Variants in CLPB observed in about 807,000 individuals in gnomAD.
The protein encoded by CLPB is mitochondrial disaggregase.
In CLPB, 40 loss-of-function variants were observed where a neutral mutation model predicts 78.4. The ratio of observed to expected loss-of-function variants is 0.51; its 90% CI spans 0.40 to 0.66. The LOEUF (loss-of-function observed/expected upper bound fraction) is 0.66. CLPB is among the 30% of genes least tolerant of loss of function. The probability of loss-of-function intolerance (pLI) is 0.00; values close to 1 mark genes in which losing one functional copy is unlikely to be tolerated. For synonymous variants in CLPB, 333 were observed against 348.0 expected, an observed-to-expected ratio of 0.96 and a Z score of 0.48; for missense variants, 780 against 886.9, an observed-to-expected ratio of 0.88 and a Z score of 1.53.
At chr11:72,368,461 C>T (rs1302350110) in intron 4 of CLPB, among the ~76,000 whole-genome samples, 1 of 152,170 alleles carries the variant, frequency 6.6e-6, no homozygotes, top group Non-Finnish European at 1.5e-5. Context: ...AACTCCAAGG[C>T]TTATAACTCT....
In CLPB at chr11:72,291,645, G is replaced by A. The variant is rs1289364259; in HGVS notation, c.*1722C>T. 3.9e-5 allele frequency: 6 copies of A among 152,164 alleles called. No homozygotes were observed. Among genetic ancestry groups the A allele is most frequent in the Admixed American group, 1.3e-4 (2 of 15,272 alleles). The allele number at this position is 152,164 out of a possible 1,614,324, so 9.4% of individuals were successfully genotyped here. A position where few individuals can be genotyped will look rare whatever the true frequency, so the allele number is the denominator to read the frequency against. On this transcript the variant is annotated 3_prime_UTR_variant, in exon 16 of 16. Transcript: ENST00000538039. ...TGATAAACTACAGTATGGCTTTGTA[G>A]GATGTAATCATTGGGAGATGCTAGA...
At chr11:72,412,604 C>T (rs1032193446) in intron 2 of CLPB, among the ~76,000 whole-genome samples, 5 of 152,206 alleles carry the variant, frequency 3.3e-5, no homozygotes, top group Non-Finnish European at 7.3e-5. Context: ...CTCTTCCAGG[C>T]TGTGTGACTG....
rs1381046919 is a variant in CLPB at position 72,285,592 on chromosome 11, A to G, written c.*7775T>C. 6.6e-6 allele frequency: 1 copy of G among 152,074 alleles called. No individual in the cohort carries two copies. Among genetic ancestry groups the G allele is most frequent in the Non-Finnish European group, 1.5e-5 (1 of 67,990 alleles). The allele number at this position is 152,074 out of a possible 1,614,324, so 9.4% of individuals were successfully genotyped here. On this transcript the variant is annotated 3_prime_UTR_variant, in exon 16 of 16. Transcript: ENST00000538039. ...CCTTTCTAAAACTTGATGTTTTTTC[A>G]CTTGTCAGGTCTTATTTTTATGCCC...
In CLPB at chr11:72,295,792, T is replaced by C. The variant is rs555576998; in HGVS notation, c.1330-144A>G. On this transcript the variant is annotated intron_variant, in intron 11 of 15. Transcript: ENST00000538039. The stretch of plus-strand genomic sequence containing the variant: ...CCCAGCAGCCAGCTGCTTCCTCCTC[T>C]GGGTTCTCCGAGCACTAGACTTGCA... 388 of 772,386 alleles carry C rather than the reference T, an allele frequency of 5.0e-4. 1 individual carries two copies. The African/African-American group carries it at 6.1e-3, about 12-fold the overall frequency. 47.8% of individuals were successfully genotyped at this position (772,386 alleles called of 1,614,324 possible). A position where few individuals can be genotyped will look rare whatever the true frequency, so the allele number is the denominator to read the frequency against.
intron 3 of CLPB, among the ~76,000 whole-genome samples, chr11:72,401,342 G>A (rs1855555997): frequency 6.6e-6 from 1 of 152,158 alleles, no homozygotes; most frequent in African/African-American, 2.4e-5. Context: ...TCGGGAGGCT[G>A]AGGCAGTGGA....
At chr11:72,330,497 T>C (rs992622124) in intron 5 of CLPB, among the ~76,000 whole-genome samples, 2 of 152,258 alleles carry the variant, frequency 1.3e-5, no homozygotes, top group African/African-American at 4.8e-5. Context: ...CTCTAAGTAC[T>C]GGCAGCTGAC....
chr11:72,418,359 G>A (rs1019116893), intron 2 of CLPB, among the ~76,000 whole-genome samples: 2 of 152,194 alleles, frequency 1.3e-5, no homozygotes, highest in East Asian at 3.8e-4. Flanking sequence ...AGAGAAAAGT[G>A]AAGAGATGAA....
At chr11:72,317,011 T>C (rs1949954888) in intron 7 of CLPB, 95 bp downstream of exon 7, 2 of 754,188 alleles carry the variant, frequency 2.7e-6, no homozygotes, top group Non-Finnish European at 4.2e-6. Context: ...ATGCTAATTT[T>C]TAATATTATT....
intron 12 of CLPB, 107 bp from the exon 13 acceptor site, chr11:72,294,800 G>T: frequency 1.1e-6 from 1 of 938,136 alleles, no homozygotes; most frequent in Non-Finnish European, 1.7e-6. Flanking sequence ...CTGTCCATCT[G>T]TGTGGTCCTG....
At chr11:72,302,541 C>T in intron 9 of CLPB, 193 bp from the exon 10 acceptor site, 1 of 582,566 alleles carries the variant, frequency 1.7e-6, no homozygotes, top group Non-Finnish European at 3.1e-6. Flanking sequence ...ACGAGTCCCT[C>T]ATTCTCTTCC....
chr11:72,422,853 A>G (rs1011863874), intron 2 of CLPB, among the ~76,000 whole-genome samples: 8 of 152,206 alleles, frequency 5.3e-5, no homozygotes, highest in African/African-American at 1.9e-4. Context: ...ACATTTACCT[A>G]TGCTGTAACT....
chr11:72,419,366 C>T (rs1389114872), intron 2 of CLPB, among the ~76,000 whole-genome samples: 1 of 152,188 alleles, frequency 6.6e-6, no homozygotes, highest in Non-Finnish European at 1.5e-5. Context: ...GCCTACACTG[C>T]CTCAAGAGGC....
intron 3 of CLPB, among the ~76,000 whole-genome samples, chr11:72,392,811 G>C (rs1256600911): frequency 2.6e-5 from 4 of 152,096 alleles, no homozygotes; most frequent in Non-Finnish European, 5.9e-5. Flanking sequence ...TTCAAAACCA[G>C]GTCTGTCTGA....
rs765607794 is a variant in CLPB, at chr11:72,301,947, C to T, written c.1185G>A (p.Gly395=). ...CATGGCCAACGTAGCCTGGTGGAGA[C>T]CCAATAAACTTGGCCACCTGGTAGA... ...QERHEVAKFI[G]SPPGYVGHEE... The change falls in exon 11 of 16, where the codon GGG becomes GGA. Residue 395 remains glycine, a synonymous_variant. Coordinates refer to ENST00000538039, the MANE Select transcript of CLPB (RefSeq NM_001258392.3). 2 of 1,613,816 alleles carry T rather than the reference C, an allele frequency of 1.2e-6. No homozygotes were observed. The highest frequency in any genetic ancestry group is 3.3e-5 in the Admixed American group (2 of 59,964).
chr11:72,289,282 A>G lies in CLPB; in HGVS notation c.*4085T>C, dbSNP rs1033403720. 6.6e-6 allele frequency: 1 copy of G among 152,140 alleles called. No homozygotes were observed. The highest frequency in any genetic ancestry group is 1.5e-5 in the Non-Finnish European group (1 of 68,034). The allele number at this position is 152,140 out of a possible 1,614,324, so 9.4% of individuals were successfully genotyped here. On this transcript the variant is annotated 3_prime_UTR_variant, in exon 16 of 16. Coordinates refer to ENST00000538039, the MANE Select transcript of CLPB (RefSeq NM_001258392.3). ...GAAGGTGGCCATTGGCTTTTCTTGT[A>G]TAAAAGTTATCTGATTTTAAGTTAT...
chr11:72,317,054 T>C, intron 7 of CLPB, 52 bp downstream of exon 7: 1 of 1,307,234 alleles, frequency 7.6e-7, no homozygotes, highest in Non-Finnish European at 1.1e-6. Context: ...GACGACAGGA[T>C]GTACCCCTCA....
chr11:72,419,912 T>C (rs925310339), intron 2 of CLPB, among the ~76,000 whole-genome samples: 24 of 152,242 alleles, frequency 1.6e-4, no homozygotes, highest in African/African-American at 5.8e-4. Context: ...ACTACTGATC[T>C]ACCAAGCACA....
intron 3 of CLPB, among the ~76,000 whole-genome samples, chr11:72,392,208 A>T (rs992027347): frequency 1.3e-5 from 2 of 151,992 alleles, no homozygotes; most frequent in East Asian, 3.9e-4. Context: ...CACCCCCCAC[A>T]TCTGAAGCAT....
intron 6 of CLPB, among the ~76,000 whole-genome samples, chr11:72,321,196 C>A (rs1341568165): frequency 6.6e-6 from 1 of 152,058 alleles, no homozygotes; most frequent in Non-Finnish European, 1.5e-5. Context: ...AGGAAGGCTA[C>A]AAGACGAGTT....
Sources: allele counts gnomAD v4.1 joint callset (sites outside exome capture counted in the v4.1 genomes callset), GRCh38; gene constraint gnomAD v4.1.1; transcripts MANE v1.5; gene names NCBI Gene and HGNC (gene_info 2026-07-23, HGNC 2026-07-21).